PRKCH: variants seen among roughly 807,000 people sequenced by gnomAD.
PRKCH encodes protein kinase C eta type.
In PRKCH, 28 loss-of-function variants were observed where a neutral mutation model predicts 82.5. The observed-to-expected ratio is 0.34, with a 90% confidence interval of 0.25 to 0.47. PRKCH has a LOEUF of 0.47. Ranked by LOEUF, PRKCH falls within the 20% of genes least tolerant of loss-of-function variation. The pLI, the probability that PRKCH is intolerant of heterozygous loss-of-function variation, is 1.00. For missense variants in PRKCH, 705 were observed against 881.8 expected (o/e 0.80, Z 2.54); for synonymous variants, 322 against 327.4 (o/e 0.98, Z 0.18).
intron 10 of PRKCH, among the ~76,000 whole-genome samples, chr14:61,514,774 A>G (rs1471128581): frequency 6.6e-6 from 1 of 152,190 alleles, no homozygotes; most frequent in Non-Finnish European, 1.5e-5. Context: ...ATAAAGATAT[A>G]GAAACGAAGG....
At chr14:61,260,889 G>A (rs2045038591) in intron 1 of PRKCH, among the ~76,000 whole-genome samples, 1 of 152,160 alleles carries the variant, frequency 6.6e-6, no homozygotes, top group South Asian at 2.1e-4. Flanking sequence ...ACTTCTGGTA[G>A]GAAGACAAGA....
chr14:61,424,177 C>T (rs1882996596), intron 2 of PRKCH, among the ~76,000 whole-genome samples: 1 of 152,166 alleles, frequency 6.6e-6, no homozygotes, highest in Non-Finnish European at 1.5e-5. Flanking sequence ...TTATAAATTA[C>T]CCAGTTTCAG....
At chr14:61,252,048 CA>C (rs1160069900) in intron 1 of PRKCH, among the ~76,000 whole-genome samples, 1 of 152,176 alleles carries the variant, frequency 6.6e-6, no homozygotes, top group Non-Finnish European at 1.5e-5. Flanking sequence ...CCATGTTGGT[CA>C]GGCTGGTCGC....
At chr14:61,304,138 A>G (rs1400120424) in intron 1 of PRKCH, 1 of 152,146 alleles carries the variant, frequency 6.6e-6, no homozygotes, top group African/African-American at 2.4e-5. Context: ...GAATCTTACA[A>G]TAGTACAATT....
intron 1 of PRKCH, among the ~76,000 whole-genome samples, chr14:61,362,056 G>C (rs1386664754): frequency 1.3e-5 from 2 of 152,198 alleles, no homozygotes; most frequent in Non-Finnish European, 2.9e-5. Context: ...AAGGAAACAA[G>C]CTGAGTGCAG....
At chr14:61,537,998 C>G (rs759850985) in intron 12 of PRKCH, 1 of 152,214 alleles carries the variant, frequency 6.6e-6, no homozygotes, top group Non-Finnish European at 1.5e-5. Flanking sequence ...GCAGTGAATT[C>G]CAGGAGCATT....
At position 61,379,873 on chromosome 14, in the gene PRKCH, C is replaced by T. The variant is rs373013859; in HGVS notation, c.364-11352C>T. 5.3e-5 allele frequency among the ~76,000 whole-genome samples: 8 copies of T among 152,204 alleles called. No homozygotes were observed. In the South Asian group the frequency reaches 8.3e-4, roughly 16 times the overall value. On this transcript the variant is annotated intron_variant, in intron 1 of 13. Coordinates refer to ENST00000332981, the MANE Select transcript of PRKCH (RefSeq NM_006255.5). ...TCTACTTAGCAGAAACGAGGAGTGG[C>T]GAGCTCATGTGGAAAGTGCTTTTTT...
intron 2 of PRKCH, among the ~76,000 whole-genome samples, chr14:61,430,562 T>A (rs925826894): frequency 1.3e-5 from 2 of 152,266 alleles, no homozygotes; most frequent in Middle Eastern, 3.4e-3. Context: ...TATCTGACCT[T>A]GCTGTTAGAG....
At chr14:61,302,506 C>T (rs2045455462) in intron 1 of PRKCH, among the ~76,000 whole-genome samples, 1 of 152,120 alleles carries the variant, frequency 6.6e-6, no homozygotes, top group Admixed American at 6.5e-5. Flanking sequence ...TCTTCAACAT[C>T]TCAGCTACCT....
chr14:61,408,232 G>C (rs952382515), intron 2 of PRKCH, among the ~76,000 whole-genome samples: 2 of 152,176 alleles, frequency 1.3e-5, no homozygotes, highest in African/African-American at 4.8e-5. Context: ...TCTAGGTTTT[G>C]GGTAGTACAG....
intron 1 of PRKCH, among the ~76,000 whole-genome samples, chr14:61,249,300 G>T (rs1023257281): frequency 2.6e-5 from 4 of 152,056 alleles, no homozygotes; most frequent in African/African-American, 9.7e-5. Flanking sequence ...AACAATTATG[G>T]CTGGGACACA....
chr14:61,187,611 A>C (rs1445383903), exon 1 of PRKCH: 2 of 152,642 alleles, frequency 1.3e-5, no homozygotes, highest in Non-Finnish European at 2.9e-5. Context: ...TGCTGCTCCA[A>C]GCTCCTCCAG....
chr14:61,288,668 G>A (rs1182075295), intron 1 of PRKCH, among the ~76,000 whole-genome samples: 9 of 152,154 alleles, frequency 5.9e-5, no homozygotes, highest in Admixed American at 5.2e-4. Context: ...CAACTTCTAA[G>A]CCAAAGTTTG....
rs1033164480 is a variant in PRKCH, at chr14:61,210,162, A to G, written c.-19+22494A>G. Among the ~76,000 whole-genome samples, 339 of 109,710 alleles carry G rather than the reference A, an allele frequency of 3.1e-3. 7 individuals carry two copies. The highest frequency in any genetic ancestry group is 0.01 in the African/African-American group (316 of 30,986). The allele number at this position is 109,710 out of a possible 152,430, so 72.0% of individuals were successfully genotyped here. On this transcript the variant is annotated intron_variant, in intron 1 of 3. Transcript: ENST00000555185. ...TATATATATATATATATATATATATAAATTAGCTTGGCATAGTGGCAGGCA... is the reference window on the plus strand; with the variant it reads ...TATATATATATATATATATATATATGAATTAGCTTGGCATAGTGGCAGGCA...
intron 10 of PRKCH, among the ~76,000 whole-genome samples, chr14:61,519,317 G>A (rs61992972): frequency 0.1 from 11,391 of 114,480 alleles, 13 homozygotes; most frequent in East Asian, 0.18. Context: ...ATGAATGAAT[G>A]AATAAATAAA....
intron 10 of PRKCH, among the ~76,000 whole-genome samples, chr14:61,516,317 G>C (rs1021235102): frequency 2.6e-5 from 4 of 152,150 alleles, no homozygotes; most frequent in Non-Finnish European, 5.9e-5. Flanking sequence ...TGTTAGTCCA[G>C]TCATCTGCTA....
chr14:61,360,081 G>A (rs2046203016), intron 1 of PRKCH, among the ~76,000 whole-genome samples: 1 of 152,214 alleles, frequency 6.6e-6, no homozygotes, highest in Non-Finnish European at 1.5e-5. Context: ...TGTATCTTTA[G>A]CGACAATAGC....
intron 1 of PRKCH, among the ~76,000 whole-genome samples, chr14:61,356,199 G>A (rs1485238011): frequency 6.6e-6 from 1 of 152,162 alleles, no homozygotes; most frequent in East Asian, 1.9e-4. Context: ...TTGTTTTGCA[G>A]GCTGCCTGGT....
chr14:61,195,443 C>T (rs965926613), intron 1 of PRKCH, among the ~76,000 whole-genome samples: 3 of 152,174 alleles, frequency 2.0e-5, no homozygotes, highest in Admixed American at 6.5e-5. Flanking sequence ...TGAAGGCCTA[C>T]TCTGTGTCAG....
Sources: allele counts gnomAD v4.1 joint callset (sites outside exome capture counted in the v4.1 genomes callset), GRCh38; gene constraint gnomAD v4.1.1; transcripts MANE v1.5; gene names NCBI Gene and HGNC (gene_info 2026-07-23, HGNC 2026-07-21).